The following NAV2 variants were observed in gnomAD, a reference collection of about 807,000 sequenced individuals.
NAV2 encodes helicase, APC down-regulated 1.
In NAV2, 54 loss-of-function variants were observed where a neutral mutation model predicts 223.2. That is an observed-to-expected ratio of 0.24 (90% confidence interval 0.19 to 0.30). NAV2 has a LOEUF of 0.30. NAV2 is among the 10% of genes least tolerant of loss of function. NAV2 has a pLI of 1.00. For synonymous variants in NAV2, 1,279 were observed against 1,239.3 expected, an observed-to-expected ratio of 1.03 and a Z score of -0.67; for missense variants, 2,806 against 3,147.5, an observed-to-expected ratio of 0.89 and a Z score of 2.60.
intron 1 of NAV2, among the ~76,000 whole-genome samples, chr11:19,525,500 G>C (rs115330032): frequency 6.6e-6 from 1 of 152,156 alleles, no homozygotes; most frequent in South Asian, 2.1e-4. Flanking sequence ...TGGAAACCAC[G>C]CATCTTCTTT....
intron 1 of NAV2, among the ~76,000 whole-genome samples, chr11:19,401,314 A>G (rs1048259453): frequency 2.0e-5 from 3 of 152,188 alleles, no homozygotes; most frequent in African/African-American, 7.2e-5. Context: ...ACCAAATACC[A>G]CTGACTGCGC....
intron 1 of NAV2, among the ~76,000 whole-genome samples, chr11:19,791,871 C>T (rs907658636): frequency 8.5e-5 from 13 of 152,172 alleles, no homozygotes; most frequent in Non-Finnish European, 8.8e-5. Context: ...TCATTCCTCT[C>T]CACCTAAGAT....
rs1853895113 is a variant in NAV2, at chr11:19,360,842, C to T, written c.75+9815C>T. On this transcript the variant is annotated intron_variant, in intron 1 of 37. Transcript: ENST00000360655. ...TTTCCCACTGAACTGCCCCTGTCCT[C>T]GCAAAGCTCAGTCCAATGGAGCAAA... is the stretch of plus-strand genomic sequence containing the variant. Among the ~76,000 whole-genome samples, 4 of 152,124 alleles carry T rather than the reference C, an allele frequency of 2.6e-5. No individual in the cohort carries two copies. In the South Asian group the frequency reaches 8.3e-4, roughly 32 times the overall value.
At chr11:19,480,038 G>A (rs1323590296) in intron 1 of NAV2, among the ~76,000 whole-genome samples, 1 of 152,144 alleles carries the variant, frequency 6.6e-6, no homozygotes, top group Admixed American at 6.5e-5. Flanking sequence ...TTTTATGCTA[G>A]GACAGTAGAA....
chr11:20,095,672 G>A lies in NAV2; in HGVS notation c.5917G>A (p.Asp1973Asn), dbSNP rs150212903. The A allele has an allele frequency of 6.2e-6, 10 of 1,610,632 alleles. No individual in the cohort carries two copies. In the African/African-American group the frequency reaches 1.3e-4, roughly 22 times the overall value. Residue 1973 changes from aspartate (D) to asparagine (N), a missense_variant and splice_region_variant, in exon 30 of 38, where the codon GAT becomes AAT. Asp to Asn is a conservative substitution (Grantham distance 23). Transcript: ENST00000349880. ...SFQEEMKWKEDSRPHLFLIGC... is the reference protein window; with the variant it reads ...SFQEEMKWKENSRPHLFLIGC... ...CCTGTGTACATTTCCTTACCCTTAG[G>A]ATTCCAGACCACATCTCTTTCTTAT... is the stretch of plus-strand genomic sequence containing the variant.
chr11:19,658,457 A>C (rs74232579), intron 1 of NAV2, among the ~76,000 whole-genome samples: 1,551 of 152,286 alleles, frequency 0.01, 36 homozygotes, highest in East Asian at 0.067. Context: ...GGGGAACTAA[A>C]ATGCTGACGG....
Position 19,743,938 on chromosome 11 carries a change from G to A in NAV2, c.267+29976G>A, listed in dbSNP as rs149350482. Among the ~76,000 whole-genome samples the A allele has an allele frequency of 2.7e-4, 41 of 152,312 alleles. 1 individual carries two copies. The highest frequency in any genetic ancestry group is 5.8e-4 in the East Asian group (3 of 5,176). Reference sequence around the variant, plus strand: ...TGCTAAGCCCATCTCACAGGTACTCGGAGGAGGAGTCCTATTTGGGTTGTA... The same window carrying A: ...TGCTAAGCCCATCTCACAGGTACTCAGAGGAGGAGTCCTATTTGGGTTGTA... On this transcript the variant is annotated intron_variant, in intron 1 of 37. Transcript: ENST00000349880.
intron 30 of NAV2, among the ~76,000 whole-genome samples, chr11:20,097,152 C>G (rs1216899251): frequency 2.0e-5 from 3 of 152,168 alleles, no homozygotes; most frequent in African/African-American, 7.2e-5. Context: ...ATTTTAATCT[C>G]TTTGTATGAT....
At position 20,045,180 on chromosome 11, in the gene NAV2, A is replaced by G. The variant is rs1394533641; in HGVS notation, c.3412A>G (p.Ser1138Gly). Residue 1138 changes from serine (S) to glycine (G), a missense_variant, in exon 14 of 38, where the codon AGC (serine) becomes GGC (glycine). Physicochemically the swap from Ser to Gly is moderately conservative, Grantham distance 56. Around this residue, in one of 4 missense-constraint regions of NAV2, gnomAD observed 742 missense variants for 777.9 expected, o/e 0.95. Transcript: ENST00000349880. ...SAAGLAMITASGVTVTSRSAT... is the reference protein window; with the variant it reads ...SAAGLAMITAGGVTVTSRSAT... Reference sequence around the variant, plus strand: ...CGCCGGCCTGGCCATGATCACAGCCAGCGGGGTGACTGTCACCAGCAGGTC... The same window carrying G: ...CGCCGGCCTGGCCATGATCACAGCCGGCGGGGTGACTGTCACCAGCAGGTC... 1.2e-5 allele frequency: 20 copies of G among 1,614,076 alleles called. No individual in the cohort carries two copies. The highest frequency in any genetic ancestry group is 1.7e-5 in the Non-Finnish European group (20 of 1,180,014).
rs2045575996 is a variant in NAV2 at position 19,933,507 on chromosome 11, G to A, written c.1263G>A (p.Gly421=). ...KGGSKAGEGP[G]SRDTSCERLE... The stretch of plus-strand genomic sequence containing the variant: ...GCTCAAAGGCAGGTGAGGGGCCGGG[G>A]TCCCGGGACACAAGCTGTGAGCGGC... The change falls in exon 7 of 38, where the codon GGG becomes GGA. Residue 421 remains glycine (G), a synonymous_variant. Transcript: ENST00000349880. The surrounding 1 kb of genome is among the most constrained non-coding windows in gnomAD (Gnocchi z 4.3). The A allele has an allele frequency of 6.2e-7, 1 of 1,610,700 alleles. No individual in the cohort carries two copies. The highest frequency in any genetic ancestry group is 8.5e-7 in the Non-Finnish European group (1 of 1,178,608).
intron 1 of NAV2, among the ~76,000 whole-genome samples, chr11:19,637,161 T>A (rs2047527914): frequency 6.6e-6 from 1 of 152,136 alleles, no homozygotes; most frequent in South Asian, 2.1e-4. Flanking sequence ...ATTGTCCCTA[T>A]CCCAACAGAA....
intron 1 of NAV2, among the ~76,000 whole-genome samples, chr11:19,613,642 C>T (rs1023463746): frequency 4.6e-5 from 7 of 152,218 alleles, no homozygotes; most frequent in Admixed American, 3.3e-4. Flanking sequence ...GTTGCTACAA[C>T]TCTCCCAACC....
At chr11:19,616,868 A>G (rs1380279095) in intron 1 of NAV2, among the ~76,000 whole-genome samples, 1 of 152,034 alleles carries the variant, frequency 6.6e-6, no homozygotes, top group Admixed American at 6.5e-5. Context: ...AAAGAGCATG[A>G]GGCTTTGGTG....
chr11:19,443,465 C>A (rs574626215), intron 1 of NAV2, among the ~76,000 whole-genome samples: 3 of 152,342 alleles, frequency 2.0e-5, no homozygotes, highest in African/African-American at 7.2e-5. Flanking sequence ...TTTGTCCTTG[C>A]AAATCTTTTG....
intron 1 of NAV2, among the ~76,000 whole-genome samples, chr11:19,386,030 C>T (rs1243713067): frequency 6.6e-6 from 1 of 152,186 alleles, no homozygotes; most frequent in African/African-American, 2.4e-5. Flanking sequence ...TCCCAAAGTG[C>T]TGGGATTACA....
At chr11:19,366,390 G>A (rs1371268627) in intron 1 of NAV2, among the ~76,000 whole-genome samples, 1 of 152,198 alleles carries the variant, frequency 6.6e-6, no homozygotes, top group Non-Finnish European at 1.5e-5. Context: ...AGCCAGGGCT[G>A]CTCTTCCTGC....
chr11:19,614,776 G>A (rs918639012), intron 1 of NAV2, among the ~76,000 whole-genome samples: 2 of 152,150 alleles, frequency 1.3e-5, no homozygotes, highest in Admixed American at 1.3e-4. Context: ...GCCTCTGTCA[G>A]GAATTTCCCC....
chr11:19,436,631 T>C (rs979441067), intron 1 of NAV2, among the ~76,000 whole-genome samples: 3 of 152,192 alleles, frequency 2.0e-5, no homozygotes, highest in Non-Finnish European at 4.4e-5. Flanking sequence ...CATTGGAATT[T>C]TGATAGGGAT....
chr11:19,676,976 G>A (rs532686483), intron 1 of NAV2, among the ~76,000 whole-genome samples: 4 of 152,340 alleles, frequency 2.6e-5, no homozygotes, highest in African/African-American at 9.6e-5. Flanking sequence ...GCATGTGTGA[G>A]TTTGTGGGCG....
Sources: allele counts gnomAD v4.1 joint callset (sites outside exome capture counted in the v4.1 genomes callset), GRCh38; gene constraint gnomAD v4.1.1; regional missense constraint gnomAD v4.1.1; non-coding constraint Gnocchi (gnomAD v3.1); transcripts MANE v1.5; gene names NCBI Gene and HGNC (gene_info 2026-07-23, HGNC 2026-07-21).